Variants in RIOK2 observed in about 807,000 individuals in gnomAD.
RIOK2 encodes the protein RIO kinase 2, also known as serine/threonine-protein kinase RIO2.
Under a neutral mutation model 62.4 loss-of-function variants are expected in RIOK2, and 46 were observed. That is an observed-to-expected ratio of 0.74 (90% CI 0.58 to 0.94). The LOEUF is 0.94. Ranked by LOEUF, RIOK2 falls within the 40% of genes least tolerant of loss-of-function variation. The pLI, the probability that RIOK2 is intolerant of heterozygous loss-of-function variation, is 0.00. For missense variants in RIOK2, 574 were observed against 658.0 expected, an observed-to-expected ratio of 0.87 and a Z score of 1.40; for synonymous variants, 197 against 216.0, an observed-to-expected ratio of 0.91 and a Z score of 0.77.
rs745366511 is a variant in RIOK2, at chr5:97,171,403, A to G, written c.588-6T>C. ...CAACATGGTGTATCTGACATCTGAA[A>G]GTATTTTAAGCATGAAAATAGGTTA... On this transcript the variant is annotated splice_polypyrimidine_tract_variant and splice_region_variant and intron_variant, in intron 5 of 9. Coordinates refer to ENST00000283109, the MANE Select transcript of RIOK2 (RefSeq NM_018343.3). 6.6e-7 allele frequency: 1 copy of G among 1,508,796 alleles called. No individual in the cohort carries two copies. Among genetic ancestry groups the G allele is most frequent in the Non-Finnish European group, 8.9e-7 (1 of 1,125,228 alleles). The allele number at this position is 1,508,796 out of a possible 1,614,324, so 93.5% of individuals were successfully genotyped here.
chr5:97,166,289 C>G, intron 8 of RIOK2: 1 of 455,014 alleles, frequency 2.2e-6, no homozygotes. Flanking sequence ...GCCTCTGTCA[C>G]CCCTCTTTTC....
At chr5:97,164,991 G>T in intron 9 of RIOK2, 60 bp downstream of exon 9, 1 of 1,101,618 alleles carries the variant, frequency 9.1e-7, no homozygotes, top group Admixed American at 2.2e-5. Context: ...AATGAGACAA[G>T]GCAATCAGAT....
intron 7 of RIOK2, 113 bp from the exon 8 acceptor site, chr5:97,168,104 T>G: frequency 9.1e-7 from 1 of 1,094,182 alleles, no homozygotes; most frequent in Non-Finnish European, 1.2e-6. Context: ...AGCTTATATG[T>G]TAAAAATAAA....
Position 97,165,149 on chromosome 5 carries a change from TA to T in RIOK2, c.1398-3del. 7.2e-7 allele frequency: 1 copy of T among 1,391,716 alleles called. No individual in the cohort carries two copies. Among genetic ancestry groups the T allele is most frequent in the Non-Finnish European group, 9.5e-7 (1 of 1,053,590 alleles). 86.2% of individuals were successfully genotyped at this position (1,391,716 alleles called of 1,614,324 possible). ...ATAGCTCCCACATTTTCTTCATCTC[TA>T]AAATTAAAAAACCCACAATTTATCT... On this transcript the variant is annotated splice_polypyrimidine_tract_variant and splice_region_variant and intron_variant, in intron 8 of 9. Transcript: ENST00000283109.
chr5:97,168,077 A>G, intron 7 of RIOK2, 86 bp from the exon 8 acceptor site: 3 of 1,357,074 alleles, frequency 2.2e-6, no homozygotes, highest in Non-Finnish European at 9.8e-7. Context: ...ATAAATTATG[A>G]TTCAAGTGAG....
At chr5:97,179,676 G>A (rs557378363) in intron 1 of RIOK2, among the ~76,000 whole-genome samples, 111 of 151,530 alleles carry the variant, frequency 7.3e-4, no homozygotes, top group South Asian at 6.3e-3. Flanking sequence ...CATGGGTGAA[G>A]CTGGAAACCA....
chr5:97,182,791 GGGC>G, intron 1 of RIOK2: 3 of 214,744 alleles, frequency 1.4e-5, no homozygotes, highest in Non-Finnish European at 2.7e-5. Context: ...GGGGGGGGGG[GGGC>G]TTAAACCTTT....
intron 4 of RIOK2, among the ~76,000 whole-genome samples, chr5:97,176,375 T>A (rs1749162659): frequency 6.6e-6 from 1 of 152,232 alleles, no homozygotes; most frequent in South Asian, 2.1e-4. Flanking sequence ...AGAGTCTTGC[T>A]CTGTTGCCCA....
At position 97,167,813 on chromosome 5, in the gene RIOK2, C is replaced by G; in HGVS notation, c.1051G>C (p.Glu351Gln). ...VAEKAEVYGS[E>Q]NESERNCLEE... ...AGACAGTTCCGTTCACTTTCATTTT[C>G]TGACCCGTAAACCTCTGCTTTTTCT... Residue 351 changes from glutamate (E) to glutamine (Q), a missense_variant, in exon 8 of 10, where the codon GAA (glutamate) becomes CAA (glutamine). Coordinates refer to ENST00000283109, the MANE Select transcript of RIOK2 (RefSeq NM_018343.3). 1 of 1,614,182 alleles carries G rather than the reference C, an allele frequency of 6.2e-7. No individual in the cohort carries two copies. The highest frequency in any genetic ancestry group is 8.5e-7 in the Non-Finnish European group (1 of 1,180,010).
At chr5:97,178,813 C>T in intron 2 of RIOK2, 2 of 527,458 alleles carry the variant, frequency 3.8e-6, no homozygotes, top group Non-Finnish European at 6.8e-6. Flanking sequence ...TGCTCTTCTG[C>T]AGTACCTACA....
At position 97,167,778 on chromosome 5, in the gene RIOK2, T is replaced by C; in HGVS notation, c.1086A>G (p.Ser362=). Residue 362 remains serine (S), a synonymous_variant, in exon 8 of 10, where the codon TCA becomes TCG. Coordinates refer to ENST00000283109, the MANE Select transcript of RIOK2 (RefSeq NM_018343.3). ...NESERNCLEE[S]EGCYCRSSGD... ...CAGATGATCTGCAATAGCAGCCCTC[T>C]GATTCTTCTAGACAGTTCCGTTCAC... The C allele has an allele frequency of 6.2e-7, 1 of 1,614,170 alleles. No individual in the cohort carries two copies. Among genetic ancestry groups the C allele is most frequent in the South Asian group, 1.1e-5 (1 of 91,088 alleles).
intron 3 of RIOK2, 146 bp downstream of exon 3, chr5:97,177,586 C>A (rs1043748883): frequency 2.3e-5 from 14 of 604,178 alleles, no homozygotes; most frequent in South Asian, 2.3e-5. Flanking sequence ...TAATTAAGGA[C>A]ACCTTCTGAT....
In RIOK2 at chr5:97,166,967, G is replaced by A. The variant is rs1000690652; in HGVS notation, c.1397+500C>T. 17 of 758,738 alleles carry A rather than the reference G, an allele frequency of 2.2e-5. No homozygotes were observed. In the African/African-American group the frequency reaches 3.2e-4, roughly 14 times the overall value. 47.0% of individuals were successfully genotyped at this position (758,738 alleles called of 1,614,324 possible). A position where few individuals can be genotyped will look rare whatever the true frequency, so the allele number is the denominator to read the frequency against. ...TTTTTTGCTCGTCACCCAGGCTGGA[G>A]TGCAGTGGTACGATCTTTGGCTTAC... is the stretch of plus-strand genomic sequence containing the variant. On this transcript the variant is annotated intron_variant, in intron 8 of 9. Transcript: ENST00000283109.
chr5:97,170,590 A>G (rs897850379), intron 6 of RIOK2, among the ~76,000 whole-genome samples: 2 of 152,194 alleles, frequency 1.3e-5, no homozygotes, highest in African/African-American at 4.8e-5. Flanking sequence ...TGTTTTAACA[A>G]TTGGTCTTCC....
At position 97,161,280 on chromosome 5, in the gene RIOK2, T is replaced by C. The variant is rs1454095212; in HGVS notation, c.*1781A>G. ...AAAAAGTGTTTTAACAATCACAATA[T>C]ACAGCTTTACATTAGTAAAATTTTG... On this transcript the variant is annotated 3_prime_UTR_variant, in exon 10 of 10. Transcript: ENST00000283109. 1 of 152,198 alleles carries C rather than the reference T, an allele frequency of 6.6e-6. No individual in the cohort carries two copies. Among genetic ancestry groups the C allele is most frequent in the Non-Finnish European group, 1.5e-5 (1 of 68,026 alleles). 9.4% of individuals were successfully genotyped at this position (152,198 alleles called of 1,614,324 possible).
At chr5:97,176,213 GTACAA>G (rs773429600) in intron 4 of RIOK2, 4 of 152,148 alleles carry the variant, frequency 2.6e-5, no homozygotes, top group Admixed American at 6.5e-5. Flanking sequence ...CATCTCCTGA[GTACAA>G]TACATTTTGT....
At chr5:97,182,810 C>G in intron 1 of RIOK2, 1 of 284,066 alleles carries the variant, frequency 3.5e-6, no homozygotes. Flanking sequence ...CCTTTCACAG[C>G]TGGTCGGAAG....
At chr5:97,168,712 C>G (rs764492479) in intron 7 of RIOK2, 48 bp downstream of exon 7, 1 of 1,123,184 alleles carries the variant, frequency 8.9e-7, no homozygotes, top group East Asian at 2.5e-5. Context: ...AATACACAGA[C>G]CAGATATTTA....
chr5:97,171,173 T>G (rs1258509738), intron 6 of RIOK2, 33 bp downstream of exon 6: 3 of 1,325,498 alleles, frequency 2.3e-6, no homozygotes, highest in Non-Finnish European at 2.9e-6. Context: ...AAAAATAAAA[T>G]AAAATAAAAA....
Sources: allele counts gnomAD v4.1 joint callset (sites outside exome capture counted in the v4.1 genomes callset), GRCh38; gene constraint gnomAD v4.1.1; transcripts MANE v1.5; gene names NCBI Gene and HGNC (gene_info 2026-07-23, HGNC 2026-07-21).